The following GHR variants were observed in gnomAD, a reference collection of about 807,000 sequenced individuals.
The protein encoded by GHR is growth hormone receptor.
Under a neutral mutation model 67.1 loss-of-function variants are expected in GHR, and 35 were observed. That is an observed-to-expected ratio of 0.52 (90% CI 0.40 to 0.69). The LOEUF (loss-of-function observed/expected upper bound fraction) is 0.69. Ranked by LOEUF, GHR falls within the 30% of genes least tolerant of loss-of-function variation. The probability of loss-of-function intolerance (pLI) is 0.00; values close to 1 mark genes in which losing one functional copy is unlikely to be tolerated. For synonymous variants in GHR, 272 were observed against 269.1 expected (o/e 1.01, Z -0.10); for missense variants, 792 against 764.6 (o/e 1.04, Z -0.42).
Position 42,644,632 on chromosome 5 carries a change from T to C in GHR, c.136+15529T>C, listed in dbSNP as rs1754638215. 3.9e-5 allele frequency among the ~76,000 whole-genome samples: 6 copies of C among 152,070 alleles called. No individual in the cohort carries two copies. In the South Asian group the frequency reaches 1.2e-3, roughly 32 times the overall value. ...CAGGAATCATTACCAATTTGTTAGA[T>C]ATGATGTTGGTATGTTTTTTTAAAT... is the stretch of plus-strand genomic sequence containing the variant. On this transcript the variant is annotated intron_variant, in intron 3 of 9. Transcript: ENST00000230882.
intron 2 of GHR, among the ~76,000 whole-genome samples, chr5:42,590,195 T>C (rs1398071910): frequency 6.6e-6 from 1 of 152,192 alleles, no homozygotes; most frequent in Non-Finnish European, 1.5e-5. Flanking sequence ...TGAATATGCT[T>C]TTGTGTTCTG....
chr5:42,636,141 C>T (rs920262754), intron 3 of GHR, among the ~76,000 whole-genome samples: 20 of 132,762 alleles, frequency 1.5e-4, no homozygotes, highest in African/African-American at 5.8e-4. Context: ...ACCCGGGAGG[C>T]GGAGCTTGCA....
At chr5:42,465,028 G>A (rs753464316) in intron 1 of GHR, among the ~76,000 whole-genome samples, 2 of 152,224 alleles carry the variant, frequency 1.3e-5, no homozygotes, top group Admixed American at 6.5e-5. Flanking sequence ...GAGCAACTCT[G>A]TGAACATCTT....
chr5:42,462,042 G>T (rs1246884107), intron 1 of GHR, among the ~76,000 whole-genome samples: 1 of 152,228 alleles, frequency 6.6e-6, no homozygotes, highest in Admixed American at 6.5e-5. Context: ...GGCCAAAGCT[G>T]CTGCATAAGC....
At chr5:42,582,862 G>T (rs1160549152) in intron 2 of GHR, among the ~76,000 whole-genome samples, 1 of 152,244 alleles carries the variant, frequency 6.6e-6, no homozygotes, top group Non-Finnish European at 1.5e-5. Context: ...CTGTGCTGGT[G>T]CCTGGAGCTG....
rs1750408305 is a variant in GHR, at chr5:42,572,836, TC to T, written c.70+6893del. On this transcript the variant is annotated intron_variant, in intron 2 of 9. Coordinates refer to ENST00000230882, the MANE Select transcript of GHR (RefSeq NM_000163.5). ...TTTCAGGATGTTTTTATAGAAACTTTCACTAACAAGCAGGACACAGGATTGG... is the reference window on the plus strand; with the variant it reads ...TTTCAGGATGTTTTTATAGAAACTTTACTAACAAGCAGGACACAGGATTGG... Among the ~76,000 whole-genome samples the T allele has an allele frequency of 2.0e-5, 3 of 152,264 alleles. No homozygotes were observed. In the South Asian group the frequency reaches 6.2e-4, roughly 32 times the overall value.
At chr5:42,485,626 C>T (rs1210975547) in intron 1 of GHR, among the ~76,000 whole-genome samples, 1 of 152,162 alleles carries the variant, frequency 6.6e-6, no homozygotes, top group Non-Finnish European at 1.5e-5. Flanking sequence ...TTAAGAAAAA[C>T]CTTGTCTTCT....
intron 2 of GHR, among the ~76,000 whole-genome samples, chr5:42,572,455 G>A (rs879031698): frequency 6.6e-6 from 1 of 152,202 alleles, no homozygotes; most frequent in Non-Finnish European, 1.5e-5. Flanking sequence ...ATCATCTGTA[G>A]TTAGCAGCAT....
intron 1 of GHR, among the ~76,000 whole-genome samples, chr5:42,458,556 G>A (rs1052190501): frequency 3.3e-5 from 5 of 152,092 alleles, no homozygotes; most frequent in African/African-American, 9.7e-5. Context: ...TGGCATTCTC[G>A]ACATAGGACC....
intron 1 of GHR, among the ~76,000 whole-genome samples, chr5:42,431,992 C>G (rs1743117237): frequency 6.6e-6 from 1 of 152,194 alleles, no homozygotes; most frequent in Non-Finnish European, 1.5e-5. Context: ...TGGAACACAT[C>G]AAGATTTTGC....
chr5:42,640,940 T>C (rs1051411321), intron 3 of GHR, among the ~76,000 whole-genome samples: 5 of 152,138 alleles, frequency 3.3e-5, no homozygotes, highest in African/African-American at 9.7e-5. Context: ...CAGGTAGGGC[T>C]GAGAGGCTCG....
At chr5:42,601,867 G>T (rs183763039) in intron 2 of GHR, among the ~76,000 whole-genome samples, 1 of 151,750 alleles carries the variant, frequency 6.6e-6, no homozygotes, top group African/African-American at 2.4e-5. Flanking sequence ...GTGTATCAAG[G>T]GTTGTTTATT....
At chr5:42,517,158 C>T (rs1453956069) in intron 1 of GHR, among the ~76,000 whole-genome samples, 1 of 152,120 alleles carries the variant, frequency 6.6e-6, no homozygotes, top group African/African-American at 2.4e-5. Flanking sequence ...GAAGTTCTTT[C>T]CTCTAAGAAT....
intron 2 of GHR, among the ~76,000 whole-genome samples, chr5:42,573,292 T>C (rs950736438): frequency 9.2e-5 from 14 of 152,144 alleles, no homozygotes; most frequent in African/African-American, 3.4e-4. Context: ...GGTCTAGAAA[T>C]AGCTGTGCCA....
At chr5:42,652,149 A>C (rs1755044953) in intron 3 of GHR, among the ~76,000 whole-genome samples, 1 of 152,204 alleles carries the variant, frequency 6.6e-6, no homozygotes, top group African/African-American at 2.4e-5. Context: ...AATAGAGAGA[A>C]TGAAAGTACT....
chr5:42,641,288 C>G (rs1313943013), intron 3 of GHR, among the ~76,000 whole-genome samples: 3 of 152,120 alleles, frequency 2.0e-5, no homozygotes, highest in Non-Finnish European at 4.4e-5. Context: ...CTTTATAACA[C>G]TTACTGCCTG....
intron 7 of GHR, among the ~76,000 whole-genome samples, chr5:42,713,148 ATTGT>A (rs1758552278): frequency 6.6e-6 from 1 of 152,092 alleles, no homozygotes; most frequent in African/African-American, 2.4e-5. Flanking sequence ...CTTAAAGCAG[ATTGT>A]TTGTTTTCAT....
At chr5:42,615,746 A>C (rs1207916419) in intron 2 of GHR, among the ~76,000 whole-genome samples, 1 of 151,890 alleles carries the variant, frequency 6.6e-6, no homozygotes, top group African/African-American at 2.4e-5. Context: ...AAAAACAAAA[A>C]AAAAAAAACA....
At chr5:42,681,584 A>G (rs1396314956) in intron 3 of GHR, among the ~76,000 whole-genome samples, 1 of 145,658 alleles carries the variant, frequency 6.9e-6, no homozygotes, top group Admixed American at 7.0e-5. Flanking sequence ...GAAATACCAT[A>G]TGACCCAGTG....
Sources: allele counts gnomAD v4.1 joint callset (sites outside exome capture counted in the v4.1 genomes callset), GRCh38; gene constraint gnomAD v4.1.1; transcripts MANE v1.5; gene names NCBI Gene and HGNC (gene_info 2026-07-23, HGNC 2026-07-21).